MMP24: variants seen among roughly 807,000 people sequenced by gnomAD.
The protein encoded by MMP24 is matrix metallopeptidase 24.
In MMP24, 25 loss-of-function variants were observed where a neutral mutation model predicts 62.8. The observed-to-expected ratio is 0.40, with a 90% CI of 0.29 to 0.56. The LOEUF (loss-of-function observed/expected upper bound fraction) is 0.56. Among genes scored for constraint, MMP24 ranks in the 20% least tolerant of loss-of-function variants. The probability of loss-of-function intolerance (pLI) is 0.50; values close to 1 mark genes in which losing one functional copy is unlikely to be tolerated. For synonymous variants in MMP24, 319 were observed against 350.5 expected (o/e 0.91, Z 1.00); for missense variants, 634 against 853.6 (o/e 0.74, Z 3.21).
chr20:35,228,038 T>C (rs2060422449), intron 1 of MMP24, among the ~76,000 whole-genome samples: 1 of 152,204 alleles, frequency 6.6e-6, no homozygotes, highest in Non-Finnish European at 1.5e-5. Context: ...GGGACAATGG[T>C]GTTTTGCTGA....
intron 4 of MMP24, among the ~76,000 whole-genome samples, chr20:35,259,375 G>A (rs1452471541): frequency 6.6e-6 from 1 of 152,122 alleles, no homozygotes; most frequent in Non-Finnish European, 1.5e-5. Context: ...GCTGTCACCT[G>A]GTTCTTCAAC....
rs2060700930 is a variant in MMP24 at position 35,275,772 on chromosome 20, C to T, written c.*1163C>T. 1 of 374,316 alleles carries T rather than the reference C, an allele frequency of 2.7e-6. No individual in the cohort carries two copies. Among genetic ancestry groups the T allele is most frequent in the Non-Finnish European group, 4.7e-6 (1 of 211,116 alleles). 23.2% of individuals were successfully genotyped at this position (374,316 alleles called of 1,614,324 possible). A position where few individuals can be genotyped will look rare whatever the true frequency, so the allele number is the denominator to read the frequency against. On this transcript the variant is annotated 3_prime_UTR_variant, in exon 9 of 9. Coordinates refer to ENST00000246186, the MANE Select transcript of MMP24 (RefSeq NM_006690.4). ...ATCTCTCGGCTGGAAGCAGTGTTTTCCCAGAGCTTGGCCCTTGCTGACCTC... is the reference window on the plus strand; with the variant it reads ...ATCTCTCGGCTGGAAGCAGTGTTTTTCCAGAGCTTGGCCCTTGCTGACCTC...
Position 35,267,212 on chromosome 20 carries a change from A to C in MMP24, c.987A>C (p.Pro329=). The change falls in exon 6 of 9, where the codon CCA becomes CCC. Residue 329 remains proline, a synonymous_variant. Transcript: ENST00000246186. ...TGCAGCTCCTCTCTCCAGGACCCCC[A>C]GCCGAGCCTCTGGAGCCCACAAGGC... is the stretch of plus-strand genomic sequence containing the variant. The part of the protein sequence containing the change: ...LQGIQKIYGP[P]AEPLEPTRPL... 1.9e-6 allele frequency: 3 copies of C among 1,590,858 alleles called. No homozygotes were observed. The highest frequency in any genetic ancestry group is 2.6e-6 in the Non-Finnish European group (3 of 1,169,880).
At chr20:35,267,492 G>C (rs1469736133) in intron 6 of MMP24, 73 bp downstream of exon 6, 8 of 1,431,528 alleles carry the variant, frequency 5.6e-6, no homozygotes, top group Non-Finnish European at 7.6e-6. Context: ...CATGGAGCTG[G>C]GGAAGGCTCC....
intron 1 of MMP24, among the ~76,000 whole-genome samples, chr20:35,237,216 A>T (rs1318845435): frequency 6.6e-6 from 1 of 152,224 alleles, no homozygotes; most frequent in Non-Finnish European, 1.5e-5. Context: ...TCTGGAGGTC[A>T]GAAGTCCAAA....
chr20:35,253,897 C>A (rs1168844914), intron 3 of MMP24, among the ~76,000 whole-genome samples: 19 of 131,468 alleles, frequency 1.4e-4, no homozygotes, highest in African/African-American at 5.9e-4. Context: ...GAGACAGAGT[C>A]TCACTCTTGT....
chr20:35,250,899 C>G (rs1427297548), intron 2 of MMP24, among the ~76,000 whole-genome samples: 1 of 152,170 alleles, frequency 6.6e-6, no homozygotes, highest in Non-Finnish European at 1.5e-5. Context: ...AGACACAAAT[C>G]AAAACATATC....
In MMP24 at chr20:35,271,574, A is replaced by G. The variant is rs1300586442; in HGVS notation, c.1339A>G (p.Lys447Glu). The G allele has an allele frequency of 3.1e-6, 5 of 1,612,222 alleles. No homozygotes were observed. The highest frequency in any genetic ancestry group is 4.2e-6 in the Non-Finnish European group (5 of 1,178,986). Residue 447 changes from lysine to glutamate, a missense_variant, in exon 8 of 9, where the codon AAG (lysine) becomes GAG (glutamate). Lys to Glu is a moderately conservative substitution (Grantham distance 56, BLOSUM62 1). Around this residue, in one of 3 missense-constraint regions of MMP24, gnomAD observed 399 missense variants for 530.8 expected, o/e 0.75. Transcript: ENST00000246186. This position sits in a 1 kb window ranked among gnomAD's most constrained non-coding sequence, Gnocchi z 4.0. ...TGGGCTCCTCTTGGCCACAGGTGAC[A>G]AGTATTGGGTGTTTAAGGAGGTGAC... ...DGRFVFFKGD[K>E]YWVFKEVTVE... is the part of the protein sequence containing the mutation.
intron 1 of MMP24, among the ~76,000 whole-genome samples, chr20:35,232,932 C>A (rs950615752): frequency 2.0e-5 from 3 of 152,098 alleles, no homozygotes; most frequent in Non-Finnish European, 4.4e-5. Flanking sequence ...GGCTCCTGCC[C>A]TGAATGCTTT....
chr20:35,273,791 T>C (rs2060686414), intron 8 of MMP24, among the ~76,000 whole-genome samples: 1 of 151,728 alleles, frequency 6.6e-6, no homozygotes, highest in South Asian at 2.1e-4. Flanking sequence ...CCTGCATCTG[T>C]GTTGTGAAGT....
chr20:35,275,676 A>T lies in MMP24; in HGVS notation c.*1067A>T, dbSNP rs11697982. On this transcript the variant is annotated 3_prime_UTR_variant, in exon 9 of 9. Transcript: ENST00000246186. ...GAGCCTGGGAGTCCTTCGGAAGGGG[A>T]CCAGGGCGTCTGAAGTGCTCAGTGC... 1 of 204,534 alleles carries T rather than the reference A, an allele frequency of 4.9e-6. No homozygotes were observed. Among genetic ancestry groups the T allele is most frequent in the Non-Finnish European group, 9.7e-6 (1 of 103,212 alleles). The allele number at this position is 204,534 out of a possible 1,614,324, so 12.7% of individuals were successfully genotyped here. A position where few individuals can be genotyped will look rare whatever the true frequency, so the allele number is the denominator to read the frequency against.
intron 1 of MMP24, among the ~76,000 whole-genome samples, chr20:35,239,688 G>A (rs559819538): frequency 6.6e-5 from 10 of 152,168 alleles, no homozygotes; most frequent in East Asian, 1.9e-4. Flanking sequence ...TTAGCCAGGC[G>A]TGGTGGCAAA....
rs747425057 is a variant in MMP24 at position 35,271,566 on chromosome 20, C to T, written c.1334-3C>T. 36 of 1,610,622 alleles carry T rather than the reference C, an allele frequency of 2.2e-5. No individual in the cohort carries two copies. In the Admixed American group the frequency reaches 5.9e-4, roughly 26 times the overall value. The stretch of plus-strand genomic sequence containing the variant: ...GCTGATCCTGGGCTCCTCTTGGCCA[C>T]AGGTGACAAGTATTGGGTGTTTAAG... On this transcript the variant is annotated splice_region_variant and splice_polypyrimidine_tract_variant and intron_variant, in intron 7 of 8. Transcript: ENST00000246186. This position sits in a 1 kb window ranked among gnomAD's most constrained non-coding sequence, Gnocchi z 4.0.
Position 35,254,642 on chromosome 20 carries a change from TGATGGA to T in MMP24, c.708_713del (p.Asp236_Gly237del). The stretch of plus-strand genomic sequence containing the variant: ...GTTTCCATGGCGACAGCTCCCCATT[TGATGGA>T]GAAGGGGGATTCCTGGCCCATGCCT... On this transcript the variant is annotated inframe_deletion, in exon 4 of 9. Coordinates refer to ENST00000246186, the MANE Select transcript of MMP24 (RefSeq NM_006690.4). 6 of 1,614,170 alleles carry T rather than the reference TGATGGA, an allele frequency of 3.7e-6. No individual in the cohort carries two copies. The highest frequency in any genetic ancestry group is 4.2e-6 in the Non-Finnish European group (5 of 1,180,032).
At chr20:35,243,961 T>C (rs1272926471) in intron 1 of MMP24, among the ~76,000 whole-genome samples, 1 of 152,266 alleles carries the variant, frequency 6.6e-6, no homozygotes, top group Non-Finnish European at 1.5e-5. Context: ...AAGTTGTTAC[T>C]TTATTGTGTA....
intron 4 of MMP24, among the ~76,000 whole-genome samples, chr20:35,259,134 T>C (rs1201935875): frequency 6.6e-6 from 1 of 152,018 alleles, no homozygotes; most frequent in Non-Finnish European, 1.5e-5. Context: ...TGAGCCGAGA[T>C]TGCACCACTA....
rs554703879 is a variant in MMP24 at position 35,269,025 on chromosome 20, T to TAA, written c.1195-721_1195-720dup. Among the ~76,000 whole-genome samples the TAA allele has an allele frequency of 8.9e-4, 122 of 136,510 alleles. No individual in the cohort carries two copies. The highest frequency in any genetic ancestry group is 3.1e-3 in the African/African-American group (114 of 37,024). 89.6% of individuals were successfully genotyped at this position (136,510 alleles called of 152,430 possible). On this transcript the variant is annotated intron_variant, in intron 6 of 8. Coordinates refer to ENST00000246186, the MANE Select transcript of MMP24 (RefSeq NM_006690.4). This position sits in a 1 kb window ranked among gnomAD's most constrained non-coding sequence, Gnocchi z 4.6. The stretch of plus-strand genomic sequence containing the variant: ...CTGGGTGACAGAGCGAGACTCCATC[T>TAA]AAAAAAAAAAAAAAAGAAAGAAAAC...
intron 4 of MMP24, among the ~76,000 whole-genome samples, chr20:35,257,549 G>A (rs772940751): frequency 9.2e-5 from 14 of 152,170 alleles, no homozygotes; most frequent in Non-Finnish European, 1.8e-4. Context: ...CAGAGGCAAC[G>A]GGAAGACACT....
intron 1 of MMP24, chr20:35,236,291 T>TC (rs1403785355): frequency 5.3e-5 from 8 of 152,208 alleles, no homozygotes; most frequent in Non-Finnish European, 1.0e-4. Context: ...GATGCTTGCC[T>TC]CCATGTCTGG....
Sources: gnomAD v4.1 joint callset for allele counts (sites outside exome capture counted in the v4.1 genomes callset) on GRCh38, gnomAD v4.1.1 for gene constraint, gnomAD v4.1.1 regional missense constraint, Gnocchi (gnomAD v3.1) non-coding constraint, MANE v1.5 for transcripts, NCBI Gene and HGNC (gene_info 2026-07-23, HGNC 2026-07-21) for gene names.